The following SLC25A40 variants were observed in gnomAD, a reference collection of about 807,000 sequenced individuals.
The protein encoded by SLC25A40 is mitochondrial glutathione transporter SLC25A40.
A neutral mutation model predicts 46.5 loss-of-function variants in SLC25A40; 41 were observed. The ratio of observed to expected loss-of-function variants is 0.88; its 90% CI spans 0.69 to 1.14. SLC25A40 has a LOEUF of 1.14. Ranked by LOEUF, SLC25A40 falls within the 50% of genes most tolerant of loss-of-function variation. The pLI, the probability that SLC25A40 is intolerant of heterozygous loss-of-function variation, is 0.00. For synonymous variants in SLC25A40, 126 were observed against 127.5 expected, an observed-to-expected ratio of 0.99 and a Z score of 0.08; for missense variants, 386 against 393.6, an observed-to-expected ratio of 0.98 and a Z score of 0.16.
chr7:87,840,868 T>C (rs1167984712), intron 10 of SLC25A40, among the ~76,000 whole-genome samples: 2 of 151,844 alleles, frequency 1.3e-5, no homozygotes, highest in Non-Finnish European at 2.9e-5. Flanking sequence ...ATACCTATTT[T>C]ACTTTTTATG....
intron 9 of SLC25A40, among the ~76,000 whole-genome samples, chr7:87,843,321 A>G (rs1838361377): frequency 6.6e-6 from 1 of 152,100 alleles, no homozygotes; most frequent in Admixed American, 6.6e-5. Flanking sequence ...ATTTTTGTTC[A>G]AATTATTTTA....
chr7:87,869,549 A>C (rs1838862534), intron 1 of SLC25A40, among the ~76,000 whole-genome samples: 1 of 151,756 alleles, frequency 6.6e-6, no homozygotes, highest in African/African-American at 2.4e-5. Context: ...AAAAAAAAAA[A>C]ATCCAAAAAA....
intron 3 of SLC25A40, among the ~76,000 whole-genome samples, chr7:87,858,245 G>C (rs1206414361): frequency 6.6e-6 from 1 of 152,166 alleles, no homozygotes; most frequent in African/African-American, 2.4e-5. Flanking sequence ...TTTGCCTTGT[G>C]ATCTTTGCTG....
chr7:87,873,364 G>T (rs1361904413), intron 1 of SLC25A40, among the ~76,000 whole-genome samples: 1 of 151,690 alleles, frequency 6.6e-6, no homozygotes, highest in Admixed American at 6.6e-5. Context: ...ACAAAAAGTT[G>T]TGGAGTAGAC....
intron 2 of SLC25A40, among the ~76,000 whole-genome samples, chr7:87,859,391 G>C (rs188923697): frequency 6.6e-6 from 1 of 151,900 alleles, no homozygotes; most frequent in Non-Finnish European, 1.5e-5. Flanking sequence ...GCAGTGAGCC[G>C]AGATCGCACC....
chr7:87,838,372 TAA>T lies in SLC25A40; in HGVS notation c.824-1564_824-1563del, dbSNP rs534936818. On this transcript the variant is annotated intron_variant, in intron 10 of 11. Transcript: ENST00000341119. ...CAGGAAGGTGAAATTAAGAGAATGA[TAA>T]AAAGAGTATCAACTGAAGGTAAGCC... Among the ~76,000 whole-genome samples, 28 of 151,556 alleles carry T rather than the reference TAA, an allele frequency of 1.8e-4. No individual in the cohort carries two copies. In the South Asian group the frequency reaches 5.0e-3, roughly 27 times the overall value.
intron 10 of SLC25A40, among the ~76,000 whole-genome samples, chr7:87,838,869 G>A (rs1177754652): frequency 6.6e-6 from 1 of 151,586 alleles, no homozygotes; most frequent in Non-Finnish European, 1.5e-5. Flanking sequence ...GTTGGTAAGT[G>A]TAGCTATATT....
At chr7:87,842,138 GAAT>G in intron 9 of SLC25A40, 1 of 215,270 alleles carries the variant, frequency 4.6e-6, no homozygotes, top group East Asian at 1.5e-4. Context: ...TTTTAAAATA[GAAT>G]AAAAAATTAA....
intron 1 of SLC25A40, among the ~76,000 whole-genome samples, chr7:87,864,617 G>A (rs1838760155): frequency 6.6e-6 from 1 of 152,136 alleles, no homozygotes; most frequent in South Asian, 2.1e-4. Context: ...TTTTACATAT[G>A]CATAGCTAGT....
intron 10 of SLC25A40, among the ~76,000 whole-genome samples, chr7:87,839,009 G>A (rs578214041): frequency 7.1e-4 from 108 of 151,528 alleles, no homozygotes; most frequent in Non-Finnish European, 1.2e-3. Context: ...TGGATAGCCT[G>A]GTACATGTGC....
intron 10 of SLC25A40, among the ~76,000 whole-genome samples, chr7:87,838,733 C>G (rs538902093): frequency 3.3e-5 from 5 of 151,542 alleles, no homozygotes; most frequent in Non-Finnish European, 7.4e-5. Context: ...TGTATACTCA[C>G]TCTTCTTTGT....
chr7:87,847,527 A>G (rs1258049071), intron 7 of SLC25A40, among the ~76,000 whole-genome samples: 1 of 152,124 alleles, frequency 6.6e-6, no homozygotes, highest in Non-Finnish European at 1.5e-5. Flanking sequence ...GTTTATAAGG[A>G]AAGTGATTCA....
intron 1 of SLC25A40, among the ~76,000 whole-genome samples, chr7:87,865,720 C>T (rs1020821480): frequency 5.3e-5 from 8 of 151,650 alleles, no homozygotes; most frequent in African/African-American, 1.9e-4. Flanking sequence ...TGCAGTGACC[C>T]AAGATCACAC....
chr7:87,858,553 A>C (rs1838649425), intron 3 of SLC25A40, 78 bp downstream of exon 3: 1 of 803,208 alleles, frequency 1.2e-6, no homozygotes, highest in Admixed American at 1.9e-5. Context: ...AACTACGTTG[A>C]AATACTGATA....
intron 4 of SLC25A40, 30 bp from the exon 5 acceptor site, chr7:87,854,340 T>C: frequency 7.8e-7 from 1 of 1,286,778 alleles, no homozygotes. Context: ...CAACCAACAA[T>C]TACCTCACAT....
intron 10 of SLC25A40, among the ~76,000 whole-genome samples, chr7:87,840,622 G>A (rs527639446): frequency 1.1e-4 from 12 of 108,010 alleles, no homozygotes; most frequent in South Asian, 1.1e-3. Context: ...AAAGAAGAAC[G>A]AAACAAAATA....
chr7:87,875,233 C>T (rs150166460), intron 1 of SLC25A40, among the ~76,000 whole-genome samples: 5 of 152,208 alleles, frequency 3.3e-5, no homozygotes, highest in African/African-American at 1.2e-4. Flanking sequence ...ACATTTCTCT[C>T]GAGTCATAAA....
rs375454740 is a variant in SLC25A40, at chr7:87,854,185, A to T, written c.264+19T>A. The T allele has an allele frequency of 7.0e-7, 1 of 1,421,578 alleles. No individual in the cohort carries two copies. Among genetic ancestry groups the T allele is most frequent in the African/African-American group, 1.4e-5 (1 of 70,836 alleles). The allele number at this position is 1,421,578 out of a possible 1,614,324, so 88.1% of individuals were successfully genotyped here. On this transcript the variant is annotated intron_variant, in intron 5 of 11. Transcript: ENST00000341119. The stretch of plus-strand genomic sequence containing the variant: ...AAATAGAAAATATACTGTGATTCTA[A>T]GGAATATAATCACCTTACCAATGTT...
intron 10 of SLC25A40, among the ~76,000 whole-genome samples, chr7:87,838,209 CAAG>C (rs1246440385): frequency 2.0e-5 from 3 of 151,400 alleles, no homozygotes; most frequent in Non-Finnish European, 3.0e-5. Context: ...AAGTCAATGA[CAAG>C]AACTAAGTTG....
Sources: allele counts gnomAD v4.1 joint callset (sites outside exome capture counted in the v4.1 genomes callset), GRCh38; gene constraint gnomAD v4.1.1; transcripts MANE v1.5; gene names NCBI Gene and HGNC (gene_info 2026-07-23, HGNC 2026-07-21).